KDM2B: variants seen among roughly 807,000 people sequenced by gnomAD.
KDM2B encodes the protein lysine demethylase 2B.
A neutral mutation model predicts 150.0 loss-of-function variants in KDM2B; 26 were observed. The observed-to-expected ratio is 0.17, with a 90% confidence interval of 0.13 to 0.24. The LOEUF (loss-of-function observed/expected upper bound fraction) is 0.24, where lower values mean the gene tolerates loss of function less well. Ranked by LOEUF, KDM2B falls within the 10% of genes least tolerant of loss-of-function variation. The probability of loss-of-function intolerance (pLI) is 1.00; values close to 1 mark genes in which losing one functional copy is unlikely to be tolerated. For synonymous variants in KDM2B, 734 were observed against 729.5 expected, an observed-to-expected ratio of 1.01 and a Z score of -0.10; for missense variants, 1,265 against 1,816.9, an observed-to-expected ratio of 0.70 and a Z score of 5.52.
At chr12:121,481,705 C>G (rs1332323024) in intron 12 of KDM2B, among the ~76,000 whole-genome samples, 1 of 152,126 alleles carries the variant, frequency 6.6e-6, no homozygotes, top group Non-Finnish European at 1.5e-5. Context: ...TCTAATTACT[C>G]CAAAGGCCAG....
At chr12:121,464,082 T>C (rs1422584913) in intron 12 of KDM2B, among the ~76,000 whole-genome samples, 2 of 151,898 alleles carry the variant, frequency 1.3e-5, no homozygotes, top group Non-Finnish European at 2.9e-5. Context: ...ATAAAAAAAT[T>C]AGTAGCTGAG....
At chr12:121,522,418 G>A (rs1387638066) in intron 8 of KDM2B, among the ~76,000 whole-genome samples, 2 of 152,014 alleles carry the variant, frequency 1.3e-5, no homozygotes, top group Non-Finnish European at 2.9e-5. Context: ...AGGAGGCTGA[G>A]GCAGGGGAAT....
the KDM2B span, among the ~76,000 whole-genome samples, chr12:121,410,500 G>A: frequency 2.0e-5 from 3 of 150,218 alleles, no homozygotes; most frequent in Non-Finnish European, 4.4e-5. Context: ...TTGCGCCACT[G>A]CATTCCATCC....
In KDM2B at chr12:121,452,195, T is replaced by A. The variant is rs943143119; in HGVS notation, c.1959+925A>T. On this transcript the variant is annotated intron_variant, in intron 13 of 22. Coordinates refer to ENST00000377071, the MANE Select transcript of KDM2B (RefSeq NM_032590.5). The surrounding 1 kb of genome is among the most constrained non-coding windows in gnomAD (Gnocchi z 4.4). ...TTCAGTGGGTATGGAGTTTCAGTTT[T>A]GCAAAATGAAAAAGTTCTAGGGATC... 3.9e-5 allele frequency among the ~76,000 whole-genome samples: 6 copies of A among 152,152 alleles called. No individual in the cohort carries two copies. Among genetic ancestry groups the A allele is most frequent in the African/African-American group, 1.4e-4 (6 of 41,438 alleles).
At chr12:121,412,870 G>A in the KDM2B span, among the ~76,000 whole-genome samples, 11 of 149,108 alleles carry the variant, frequency 7.4e-5, no homozygotes, top group Non-Finnish European at 1.3e-4. Context: ...GATTACAGGT[G>A]CCTGGGCCAG....
chr12:121,421,143 A>G, the KDM2B span, among the ~76,000 whole-genome samples: 1 of 152,058 alleles, frequency 6.6e-6, no homozygotes, highest in Non-Finnish European at 1.5e-5. Flanking sequence ...TTTTAAATCT[A>G]ACAGTAGGGG....
rs564554361 is a variant in KDM2B, at chr12:121,577,912, G to T, written c.271+890C>A. 6.6e-5 allele frequency among the ~76,000 whole-genome samples: 10 copies of T among 152,232 alleles called. No individual in the cohort carries two copies. In the East Asian group the frequency reaches 1.7e-3, roughly 26 times the overall value. Reference sequence around the variant, plus strand: ...ACCCAGGGCGTCACCTTAACATCTGGAGGGTGACCCCCACCACCCTCCTAG... The same window carrying T: ...ACCCAGGGCGTCACCTTAACATCTGTAGGGTGACCCCCACCACCCTCCTAG... On this transcript the variant is annotated intron_variant, in intron 2 of 22. Transcript: ENST00000377071.
chr12:121,529,828 G>C (rs1594059985), intron 8 of KDM2B, among the ~76,000 whole-genome samples: 2 of 151,760 alleles, frequency 1.3e-5, no homozygotes, highest in South Asian at 2.1e-4. Context: ...TACTAGGGAG[G>C]CTGAGGCAGG....
In KDM2B at chr12:121,430,835, G is replaced by A. The variant is rs1412914872; in HGVS notation, c.3830-366C>T. On this transcript the variant is annotated intron_variant, in intron 22 of 22. Transcript: ENST00000377071. The surrounding 1 kb of genome is among the most constrained non-coding windows in gnomAD (Gnocchi z 4.4). ...GTAGCTTGCTTTTCTCATCTAATAT[G>A]TTGTTGATGAGTACTGCTCTATGTC... Among the ~76,000 whole-genome samples the A allele has an allele frequency of 1.3e-5, 2 of 152,290 alleles. No homozygotes were observed. The highest frequency in any genetic ancestry group is 2.4e-5 in the African/African-American group (1 of 41,550).
chr12:121,551,408 C>T (rs1026176768), intron 4 of KDM2B, among the ~76,000 whole-genome samples: 5 of 150,258 alleles, frequency 3.3e-5, no homozygotes, highest in Non-Finnish European at 7.4e-5. Context: ...AGCAATGGCA[C>T]GATCGTGGCT....
intron 12 of KDM2B, among the ~76,000 whole-genome samples, chr12:121,477,340 C>A (rs1881496514): frequency 6.6e-6 from 1 of 151,982 alleles, no homozygotes; most frequent in Non-Finnish European, 1.5e-5. Context: ...GTATGAGCTA[C>A]CATACCTGGC....
chr12:121,467,445 G>C lies in KDM2B; in HGVS notation c.1735-14101C>G. 1 of 735,642 alleles carries C rather than the reference G, an allele frequency of 1.4e-6. No individual in the cohort carries two copies. 45.6% of individuals were successfully genotyped at this position (735,642 alleles called of 1,614,324 possible). A position where few individuals can be genotyped will look rare whatever the true frequency, so the allele number is the denominator to read the frequency against. On this transcript the variant is annotated intron_variant, in intron 12 of 22. Coordinates refer to ENST00000377071, the MANE Select transcript of KDM2B (RefSeq NM_032590.5). The surrounding 1 kb of genome is among the most constrained non-coding windows in gnomAD (Gnocchi z 5.1). ...CATGCATATGCATGAGGCGAGCCAG[G>C]AAGGGGCTGGCCCCCCGGGCGGGCG...
In KDM2B at chr12:121,430,511, G is replaced by A. The variant is rs782114487; in HGVS notation, c.3830-42C>T. On this transcript the variant is annotated intron_variant, in intron 22 of 22. Coordinates refer to ENST00000377071, the MANE Select transcript of KDM2B (RefSeq NM_032590.5). This position sits in a 1 kb window ranked among gnomAD's most constrained non-coding sequence, Gnocchi z 4.4. Reference sequence around the variant, plus strand: ...GTAATGTGAGGTGTGAAGGCCAGGAGCCAGAAGCCCCCCCGCCGCCAGACC... The same window carrying A: ...GTAATGTGAGGTGTGAAGGCCAGGAACCAGAAGCCCCCCCGCCGCCAGACC... 1 of 1,512,818 alleles carries A rather than the reference G, an allele frequency of 6.6e-7. No individual in the cohort carries two copies. The highest frequency in any genetic ancestry group is 1.1e-5 in the South Asian group (1 of 88,780). The allele number at this position is 1,512,818 out of a possible 1,614,324, so 93.7% of individuals were successfully genotyped here.
At chr12:121,451,449 A>G (rs1418043233) in intron 13 of KDM2B, among the ~76,000 whole-genome samples, 3 of 152,120 alleles carry the variant, frequency 2.0e-5, no homozygotes, top group Non-Finnish European at 4.4e-5. Flanking sequence ...AACTGCACAG[A>G]GGTCAGATGG....
intron 19 of KDM2B, among the ~76,000 whole-genome samples, chr12:121,441,437 A>C (rs985412625): frequency 6.6e-6 from 1 of 151,890 alleles, no homozygotes; most frequent in Non-Finnish European, 1.5e-5. Flanking sequence ...ACTCTCCATC[A>C]AGTATGTATG....
rs868927532 is a variant in KDM2B at position 121,452,558 on chromosome 12, C to T, written c.1959+562G>A. On this transcript the variant is annotated intron_variant, in intron 13 of 22. Coordinates refer to ENST00000377071, the MANE Select transcript of KDM2B (RefSeq NM_032590.5). The surrounding 1 kb of genome is among the most constrained non-coding windows in gnomAD (Gnocchi z 4.4). ...GGAAGGCAGAGCATGTGGGTGTGTA[C>T]AAGGGAATTCAAGGGCAAACCCCGC... Among the ~76,000 whole-genome samples, 1 of 152,246 alleles carries T rather than the reference C, an allele frequency of 6.6e-6. No individual in the cohort carries two copies. The highest frequency in any genetic ancestry group is 1.5e-5 in the Non-Finnish European group (1 of 68,040).
rs1044539599 is a variant in KDM2B, at chr12:121,518,667, T to C, written c.1047+2318A>G. ...AGGGAACCATGGGGCCCAAATCCGC[T>C]GAGTTTACAATTGAATTCCCAGGGG... is the stretch of plus-strand genomic sequence containing the variant. On this transcript the variant is annotated intron_variant, in intron 9 of 22. Transcript: ENST00000377071. The surrounding 1 kb of genome is among the most constrained non-coding windows in gnomAD (Gnocchi z 4.4). Among the ~76,000 whole-genome samples the C allele has an allele frequency of 2.0e-5, 3 of 152,152 alleles. No individual in the cohort carries two copies. The highest frequency in any genetic ancestry group is 4.4e-5 in the Non-Finnish European group (3 of 68,016).
chr12:121,443,420 A>G (rs28474729), intron 17 of KDM2B: 32,134 of 583,288 alleles, frequency 0.055, 2,484 homozygotes, highest in African/African-American at 0.26. Flanking sequence ...TGGTGACAGC[A>G]CGGCCCGTGG....
intron 6 of KDM2B, among the ~76,000 whole-genome samples, chr12:121,543,735 C>T (rs934638812): frequency 1.4e-4 from 21 of 151,970 alleles, no homozygotes; most frequent in African/African-American, 4.8e-4. Context: ...GAGGGAATCA[C>T]TTAACCAGGG....
Sources: gnomAD v4.1 joint callset for allele counts (sites outside exome capture counted in the v4.1 genomes callset) on GRCh38, gnomAD v4.1.1 for gene constraint, Gnocchi (gnomAD v3.1) non-coding constraint, MANE v1.5 for transcripts, NCBI Gene and HGNC (gene_info 2026-07-23, HGNC 2026-07-21) for gene names.